Variants in MRPL42 observed in about 807,000 individuals in gnomAD.
MRPL42 encodes the protein mitochondrial ribosomal protein L42, also known as large ribosomal subunit protein mL42.
A neutral mutation model predicts 17.9 loss-of-function variants in MRPL42; 17 were observed. That is an observed-to-expected ratio of 0.95 (90% CI 0.65 to 1.42). The LOEUF (loss-of-function observed/expected upper bound fraction) is 1.42, where lower values mean the gene tolerates loss of function less well. Ranked by LOEUF, MRPL42 falls within the 40% of genes most tolerant of loss-of-function variation. The pLI, the probability that MRPL42 is intolerant of heterozygous loss-of-function variation, is 0.00. For synonymous variants in MRPL42, 59 were observed against 54.4 expected (o/e 1.08, Z -0.37); for missense variants, 177 against 175.2 (o/e 1.01, Z -0.06).
At position 93,512,741 on chromosome 12, in the gene MRPL42, A is replaced by G. The variant is rs1217703392; in HGVS notation, c.*11520A>G. 3 of 152,250 alleles carry G rather than the reference A, an allele frequency of 2.0e-5. No homozygotes were observed. Among genetic ancestry groups the G allele is most frequent in the Non-Finnish European group, 4.4e-5 (3 of 68,050 alleles). 9.4% of individuals were successfully genotyped at this position (152,250 alleles called of 1,614,324 possible). On this transcript the variant is annotated 3_prime_UTR_variant, in exon 6 of 6. Coordinates refer to ENST00000549982, the MANE Select transcript of MRPL42 (RefSeq NM_014050.4). ...TTGCACATCTGTAAGAAGTAATCAA[A>G]CTATTGTGAATTTGATAGAATGCTT... is the stretch of plus-strand genomic sequence containing the variant.
chr12:93,469,214 A>T lies in MRPL42; in HGVS notation c.-72A>T. The stretch of plus-strand genomic sequence containing the variant: ...CAGGAGTAGAAATTGGTATGCTTAG[A>T]AGCAGATTCTAAAAGCAGTTTCTCT... On this transcript the variant is annotated 5_prime_UTR_variant, in exon 2 of 6. Coordinates refer to ENST00000549982, the MANE Select transcript of MRPL42 (RefSeq NM_014050.4). 8.1e-7 allele frequency: 1 copy of T among 1,229,834 alleles called. No homozygotes were observed. 76.2% of individuals were successfully genotyped at this position (1,229,834 alleles called of 1,614,324 possible).
At chr12:93,492,166 C>T (rs1953428188) in intron 5 of MRPL42, among the ~76,000 whole-genome samples, 1 of 152,174 alleles carries the variant, frequency 6.6e-6, no homozygotes, top group South Asian at 2.1e-4. Context: ...AATGGGAGTT[C>T]TGTTTTTAGT....
At chr12:93,470,556 C>T in intron 2 of MRPL42, 3 of 1,287,408 alleles carry the variant, frequency 2.3e-6, no homozygotes, top group Non-Finnish European at 3.1e-6. Flanking sequence ...TTCAACTGAA[C>T]CCGTCACCCA....
At chr12:93,483,517 C>A (rs185213219) in intron 4 of MRPL42, among the ~76,000 whole-genome samples, 1 of 151,952 alleles carries the variant, frequency 6.6e-6, no homozygotes. Context: ...TGTATCTAAA[C>A]GTATTTAAAC....
intron 4 of MRPL42, among the ~76,000 whole-genome samples, chr12:93,481,637 A>G (rs1169976017): frequency 6.6e-6 from 1 of 152,152 alleles, no homozygotes; most frequent in Non-Finnish European, 1.5e-5. Context: ...ATCTAATACC[A>G]TGGTGTCTCA....
chr12:93,472,537 C>T (rs892470645), intron 2 of MRPL42, among the ~76,000 whole-genome samples: 1 of 152,128 alleles, frequency 6.6e-6, no homozygotes, highest in African/African-American at 2.4e-5. Context: ...GTGATTGTGC[C>T]ATTGTACTCC....
chr12:93,471,896 C>G (rs900185624), intron 2 of MRPL42, among the ~76,000 whole-genome samples: 6 of 152,172 alleles, frequency 3.9e-5, no homozygotes, highest in African/African-American at 1.4e-4. Flanking sequence ...TGCAGGAACC[C>G]AGCTCCTAGG....
chr12:93,487,371 C>A, intron 4 of MRPL42, 126 bp from the exon 5 acceptor site: 1 of 782,842 alleles, frequency 1.3e-6, no homozygotes, highest in Non-Finnish European at 1.9e-6. Flanking sequence ...GTTTTGATAA[C>A]TTATTTGCCC....
At position 93,509,945 on chromosome 12, in the gene MRPL42, C is replaced by T. The variant is rs1953711257; in HGVS notation, c.*8724C>T. On this transcript the variant is annotated 3_prime_UTR_variant, in exon 6 of 6. Transcript: ENST00000549982. ...TACAATTGATAAACCTACACTGACA[C>T]ATCATTATCACCCAAAGCCTATTGT... 6.6e-6 allele frequency: 1 copy of T among 152,162 alleles called. No individual in the cohort carries two copies. 9.4% of individuals were successfully genotyped at this position (152,162 alleles called of 1,614,324 possible). A position where few individuals can be genotyped will look rare whatever the true frequency, so the allele number is the denominator to read the frequency against.
Position 93,502,150 on chromosome 12 carries a change from G to A in MRPL42, c.*929G>A, listed in dbSNP as rs1004352485. The A allele has an allele frequency of 6.6e-6, 1 of 152,042 alleles. No homozygotes were observed. The highest frequency in any genetic ancestry group is 1.5e-5 in the Non-Finnish European group (1 of 67,990). 9.4% of individuals were successfully genotyped at this position (152,042 alleles called of 1,614,324 possible). On this transcript the variant is annotated 3_prime_UTR_variant, in exon 6 of 6. Transcript: ENST00000549982. ...TTCTAGATAGAATATTATGTAATTT[G>A]TTTTGAAGGTTTTTTTTCCTGACTG...
At position 93,513,093 on chromosome 12, in the gene MRPL42, A is replaced by T. The variant is rs1953739484; in HGVS notation, c.*11872A>T. 1 of 152,134 alleles carries T rather than the reference A, an allele frequency of 6.6e-6. No homozygotes were observed. The highest frequency in any genetic ancestry group is 2.1e-4 in the South Asian group (1 of 4,824). 9.4% of individuals were successfully genotyped at this position (152,134 alleles called of 1,614,324 possible). ...AAAACCATGGAAACAGTTTAGATATACATCAATCCATGAAAGTAGTAGTAT... is the reference window on the plus strand; with the variant it reads ...AAAACCATGGAAACAGTTTAGATATTCATCAATCCATGAAAGTAGTAGTAT... On this transcript the variant is annotated 3_prime_UTR_variant, in exon 6 of 6. Coordinates refer to ENST00000549982, the MANE Select transcript of MRPL42 (RefSeq NM_014050.4).
chr12:93,476,275 C>T (rs746574307), intron 2 of MRPL42, among the ~76,000 whole-genome samples: 1 of 152,078 alleles, frequency 6.6e-6, no homozygotes, highest in Non-Finnish European at 1.5e-5. Flanking sequence ...CAAACTCCGC[C>T]TCCTGGGTTC....
intron 4 of MRPL42, among the ~76,000 whole-genome samples, chr12:93,485,003 T>TACACAC (rs1186653153): frequency 1.8e-4 from 12 of 68,312 alleles, no homozygotes; most frequent in Non-Finnish European, 2.6e-4. Flanking sequence ...TATATATATA[T>TACACAC]ATATATATAT....
At position 93,477,020 on chromosome 12, in the gene MRPL42, A is replaced by G; in HGVS notation, c.134+3A>G. ...CCTCTACCAGATGACTATAATTGGTATGTATTAAAATTCAATTGAAGAAAT... is the reference window on the plus strand; with the variant it reads ...CCTCTACCAGATGACTATAATTGGTGTGTATTAAAATTCAATTGAAGAAAT... On this transcript the variant is annotated splice_donor_region_variant and intron_variant, in intron 3 of 5. Coordinates refer to ENST00000549982, the MANE Select transcript of MRPL42 (RefSeq NM_014050.4). The G allele has an allele frequency of 4.5e-6, 7 of 1,561,924 alleles. No individual in the cohort carries two copies. Among genetic ancestry groups the G allele is most frequent in the Non-Finnish European group, 6.1e-6 (7 of 1,139,964 alleles).
intron 4 of MRPL42, among the ~76,000 whole-genome samples, chr12:93,485,118 G>T (rs1472407127): frequency 1.4e-5 from 2 of 145,586 alleles, no homozygotes; most frequent in African/African-American, 5.1e-5. Flanking sequence ...CTTCCTAAGT[G>T]CTGGGATTAC....
At chr12:93,473,827 C>A (rs922538782) in intron 2 of MRPL42, among the ~76,000 whole-genome samples, 2 of 152,086 alleles carry the variant, frequency 1.3e-5, no homozygotes, top group African/African-American at 4.8e-5. Context: ...CTCAGCCTCC[C>A]AAAGTTCTGG....
chr12:93,468,337 A>G (rs1016663055), intron 1 of MRPL42, among the ~76,000 whole-genome samples: 1 of 152,148 alleles, frequency 6.6e-6, no homozygotes, highest in African/African-American at 2.4e-5. Context: ...CTCATTGAAG[A>G]CTATTAAAAA....
At chr12:93,485,043 G>T (rs1433096211) in intron 4 of MRPL42, among the ~76,000 whole-genome samples, 1 of 55,796 alleles carries the variant, frequency 1.8e-5, no homozygotes, top group African/African-American at 5.9e-5. Flanking sequence ...GAGATGGGGG[G>T]TCTTACCATG....
At chr12:93,475,810 C>T (rs1026452186) in intron 2 of MRPL42, among the ~76,000 whole-genome samples, 11 of 151,842 alleles carry the variant, frequency 7.2e-5, no homozygotes, top group African/African-American at 2.4e-4. Flanking sequence ...CGGCGAACCC[C>T]GTCTCTACTA....
Sources: allele counts gnomAD v4.1 joint callset (sites outside exome capture counted in the v4.1 genomes callset), GRCh38; gene constraint gnomAD v4.1.1; transcripts MANE v1.5; gene names NCBI Gene and HGNC (gene_info 2026-07-23, HGNC 2026-07-21).